The following COL15A1 variants were observed in gnomAD, a reference collection of about 807,000 sequenced individuals.
COL15A1 encodes collagen alpha-1(XV) chain.
Under a neutral mutation model 165.9 loss-of-function variants are expected in COL15A1, and 111 were observed. That is an observed-to-expected ratio of 0.67 (90% CI 0.57 to 0.78). The LOEUF is 0.78. Among genes scored for constraint, COL15A1 ranks in the 30% least tolerant of loss-of-function variants. The pLI is 0.00. For missense variants in COL15A1, 1,745 were observed against 1,789.7 expected (o/e 0.98, Z 0.45); for synonymous variants, 659 against 674.8 (o/e 0.98, Z 0.36).
intron 8 of COL15A1, among the ~76,000 whole-genome samples, chr9:99,004,327 G>A (rs1013632887): frequency 2.0e-5 from 3 of 152,154 alleles, no homozygotes; most frequent in Admixed American, 2.0e-4. Flanking sequence ...CCTGCCCTGG[G>A]ATGTGGCCAA....
chr9:99,035,491 C>T (rs1839286281), intron 19 of COL15A1, 73 bp downstream of exon 19: 1 of 1,588,788 alleles, frequency 6.3e-7, no homozygotes, highest in Non-Finnish European at 8.6e-7. Context: ...CTGTGGGCTG[C>T]ATCCCGGCTC....
Position 99,061,954 on chromosome 9 carries a change from T to C in COL15A1, c.3403-17T>C. 2 of 1,606,582 alleles carry C rather than the reference T, an allele frequency of 1.2e-6. No individual in the cohort carries two copies. The highest frequency in any genetic ancestry group is 8.5e-7 in the Non-Finnish European group (1 of 1,177,206). On this transcript the variant is annotated splice_polypyrimidine_tract_variant and intron_variant, in intron 36 of 41. Transcript: ENST00000375001. The stretch of plus-strand genomic sequence containing the variant: ...CTAATGATAATGGCAGTGTTTGGAA[T>C]TTAAATGATCTGACAGGTCACAGCA...
chr9:99,060,844 C>T lies in COL15A1; in HGVS notation c.3402+891C>T, dbSNP rs74712488. On this transcript the variant is annotated intron_variant, in intron 36 of 41. Coordinates refer to ENST00000375001, the MANE Select transcript of COL15A1 (RefSeq NM_001855.5). ...CCAGTGAACCATGACTGTGCCACTG[C>T]ACTCCAGCCTGGGTGAAAAAGCAAT... 4.7e-3 allele frequency among the ~76,000 whole-genome samples: 708 copies of T among 152,218 alleles called. 3 individuals carry two copies. The highest frequency in any genetic ancestry group is 9.4e-3 in the Admixed American group (144 of 15,292).
At chr9:99,019,279 C>T (rs766900643) in intron 11 of COL15A1, among the ~76,000 whole-genome samples, 4 of 152,170 alleles carry the variant, frequency 2.6e-5, no homozygotes, top group Admixed American at 6.5e-5. Context: ...CTGCAACCTC[C>T]GCCTCTTAGG....
chr9:98,974,844 T>C (rs1459811791), intron 2 of COL15A1, among the ~76,000 whole-genome samples: 1 of 152,040 alleles, frequency 6.6e-6, no homozygotes, highest in East Asian at 1.9e-4. Flanking sequence ...GTGGGAATGG[T>C]AGAAACCCAG....
At chr9:99,043,778 C>A (rs1208357519) in intron 24 of COL15A1, among the ~76,000 whole-genome samples, 20 of 152,148 alleles carry the variant, frequency 1.3e-4, no homozygotes, top group African/African-American at 4.8e-4. Context: ...AGTTTAGGGC[C>A]AAAGCCTCAG....
chr9:98,996,137 CAA>C (rs1387453285), intron 5 of COL15A1, among the ~76,000 whole-genome samples: 2 of 152,194 alleles, frequency 1.3e-5, no homozygotes, highest in African/African-American at 4.8e-5. Flanking sequence ...GCTGCAGTAA[CAA>C]ATTAACCTCA....
chr9:98,990,867 C>T (rs1432048658), intron 5 of COL15A1, among the ~76,000 whole-genome samples: 5 of 152,304 alleles, frequency 3.3e-5, no homozygotes, highest in Admixed American at 2.0e-4. Context: ...CGGACCCTCG[C>T]GGTGAGTGTT....
In COL15A1 at chr9:98,944,540, A is replaced by ACAGCGC. The variant is rs966729286; in HGVS notation, c.100+305_100+310dup. ...TCTTAGGCAGAGAGGGACTTCAGAA[A>ACAGCGC]CAGCGCCAGCGCCAGCGCCAACAGC... On this transcript the variant is annotated intron_variant, in intron 2 of 41. Transcript: ENST00000375001. 1.6e-3 allele frequency among the ~76,000 whole-genome samples: 239 copies of ACAGCGC among 152,100 alleles called. 1 individual carries two copies. Among genetic ancestry groups the ACAGCGC allele is most frequent in the African/African-American group, 5.5e-3 (227 of 41,494 alleles).
At chr9:98,950,521 C>CCCTT (rs1029994639) in intron 2 of COL15A1, among the ~76,000 whole-genome samples, 1 of 117,056 alleles carries the variant, frequency 8.5e-6, no homozygotes, top group Non-Finnish European at 1.7e-5. Flanking sequence ...TCCTTCCCTT[C>CCCTT]CCTTCCTTCC....
chr9:98,989,674 C>T (rs1838382433), intron 5 of COL15A1, among the ~76,000 whole-genome samples: 1 of 152,192 alleles, frequency 6.6e-6, no homozygotes, highest in African/African-American at 2.4e-5. Context: ...CAAGCCTCAG[C>T]CCAGCATCTG....
Position 99,053,024 on chromosome 9 carries a change from A to G in COL15A1, c.2950+591A>G, listed in dbSNP as rs1241659043. Among the ~76,000 whole-genome samples the G allele has an allele frequency of 2.0e-5, 3 of 152,322 alleles. No homozygotes were observed. In the East Asian group the frequency reaches 5.8e-4, roughly 29 times the overall value. ...CTCCCGGGTGAGGTGAGTGCACAGC[A>G]AAGTGTGAGAAATGCTGGCTCAGAG... On this transcript the variant is annotated intron_variant, in intron 31 of 41. Transcript: ENST00000375001.
intron 34 of COL15A1, among the ~76,000 whole-genome samples, chr9:99,055,988 C>T (rs1321110141): frequency 3.3e-5 from 5 of 152,178 alleles, no homozygotes; most frequent in Admixed American, 2.0e-4. Context: ...TCAGTGTCTC[C>T]ATCTGTGAAA....
At chr9:99,022,198 G>A in intron 13 of COL15A1, 48 bp downstream of exon 13, 2 of 1,612,318 alleles carry the variant, frequency 1.2e-6, no homozygotes, top group Non-Finnish European at 1.7e-6. Flanking sequence ...TAAGACCAGG[G>A]ATGCGGCCAA....
intron 2 of COL15A1, among the ~76,000 whole-genome samples, chr9:98,971,396 A>G (rs1355037535): frequency 6.6e-6 from 1 of 151,964 alleles, no homozygotes; most frequent in Non-Finnish European, 1.5e-5. Flanking sequence ...AGTTGATGTC[A>G]TCCTCAGGAT....
At chr9:98,978,894 C>T (rs1838187266) in intron 2 of COL15A1, among the ~76,000 whole-genome samples, 1 of 152,036 alleles carries the variant, frequency 6.6e-6, no homozygotes, top group South Asian at 2.1e-4. Context: ...CTTGTGTATT[C>T]TTCTAGAGCT....
intron 24 of COL15A1, 38 bp from the exon 25 acceptor site, chr9:99,044,530 G>A (rs1327129036): frequency 4.4e-6 from 7 of 1,601,008 alleles, no homozygotes; most frequent in Non-Finnish European, 5.1e-6. Flanking sequence ...GTGGCAAGGA[G>A]GAGTCCTGAC....
At chr9:98,954,500 C>T (rs961602428) in intron 2 of COL15A1, among the ~76,000 whole-genome samples, 4 of 152,146 alleles carry the variant, frequency 2.6e-5, no homozygotes, top group African/African-American at 9.7e-5. Context: ...ATTAAATACT[C>T]GTCTCTAATA....
At position 99,049,727 on chromosome 9, in the gene COL15A1, G is replaced by A; in HGVS notation, c.2831G>A (p.Gly944Glu). ...PGLPGPPGPP[G>E]PPGAVINIKG... The stretch of plus-strand genomic sequence containing the variant: ...TTACCTGGCCCTCCAGGCCCCCCTG[G>A]GCCACCTGGAGCTGTGATTAACATC... Residue 944 changes from glycine to glutamate, a missense_variant, in exon 29 of 42, where the codon GGG (glycine) becomes GAG (glutamate). Gly to Glu is a moderately conservative substitution (Grantham distance 98). Transcript: ENST00000375001. 2 of 1,613,968 alleles carry A rather than the reference G, an allele frequency of 1.2e-6. No homozygotes were observed. The highest frequency in any genetic ancestry group is 1.7e-6 in the Non-Finnish European group (2 of 1,180,036).
Sources: gnomAD v4.1 joint callset for allele counts (sites outside exome capture counted in the v4.1 genomes callset) on GRCh38, gnomAD v4.1.1 for gene constraint, MANE v1.5 for transcripts, NCBI Gene and HGNC (gene_info 2026-07-23, HGNC 2026-07-21) for gene names.